RAPGEF6: variants seen among roughly 807,000 people sequenced by gnomAD.
The protein encoded by RAPGEF6 is Rap guanine nucleotide exchange factor 6, also known as PDZ domain containing guanine nucleotide exchange factor (GEF) 2.
In RAPGEF6, 56 loss-of-function variants were observed where a neutral mutation model predicts 171.4. The ratio of observed to expected loss-of-function variants is 0.33; its 90% CI spans 0.26 to 0.41. The LOEUF (loss-of-function observed/expected upper bound fraction) is 0.41. Ranked by LOEUF, RAPGEF6 falls within the 10% of genes least tolerant of loss-of-function variation. The probability of loss-of-function intolerance (pLI) is 1.00; values close to 1 mark genes in which losing one functional copy is unlikely to be tolerated. For missense variants in RAPGEF6, 1,674 were observed against 1,921.4 expected (o/e 0.87, Z 2.41); for synonymous variants, 692 against 650.1 (o/e 1.06, Z -0.98).
intron 16 of RAPGEF6, among the ~76,000 whole-genome samples, chr5:131,473,667 G>A (rs1045260374): frequency 5.3e-5 from 8 of 152,032 alleles, no homozygotes; most frequent in African/African-American, 1.9e-4. Flanking sequence ...CCTAGTACTT[G>A]CTATACATAC....
At chr5:131,606,732 G>A (rs148032721) in intron 1 of RAPGEF6, among the ~76,000 whole-genome samples, 10 of 152,176 alleles carry the variant, frequency 6.6e-5, no homozygotes, top group Non-Finnish European at 1.3e-4. Context: ...AAAAGAATAC[G>A]ATAGAAGTGA....
chr5:131,604,212 CA>C (rs1287070777), intron 2 of RAPGEF6, among the ~76,000 whole-genome samples: 1 of 152,096 alleles, frequency 6.6e-6, no homozygotes, highest in Non-Finnish European at 1.5e-5. Flanking sequence ...ACACAAACTA[CA>C]AAAAGATAAC....
At chr5:131,540,755 T>A (rs1367887068) in intron 6 of RAPGEF6, among the ~76,000 whole-genome samples, 3 of 152,236 alleles carry the variant, frequency 2.0e-5, no homozygotes, top group Non-Finnish European at 4.4e-5. Context: ...TTCTAGAGAA[T>A]AAAGTTAAAT....
Position 131,479,551 on chromosome 5 carries a change from A to G in RAPGEF6, c.2043T>C (p.Asp681=), listed in dbSNP as rs778088184. The change falls in exon 16 of 28, where the codon GAT becomes GAC. Residue 681 remains aspartate (D), a synonymous_variant. Coordinates refer to ENST00000509018, the MANE Select transcript of RAPGEF6 (RefSeq NM_016340.6). ...GGRNKIRKIL[D]KTRFSILPPK... is the part of the protein sequence containing the mutation. ...GAGGCAAGATACTAAATCGTGTTTT[A>G]TCCAAAATCTTCCTGATTTTGTTTC... 1.2e-6 allele frequency: 2 copies of G among 1,614,034 alleles called. No homozygotes were observed. The highest frequency in any genetic ancestry group is 3.3e-5 in the Admixed American group (2 of 60,014).
chr5:131,581,069 C>G (rs754086594), intron 4 of RAPGEF6, among the ~76,000 whole-genome samples: 5 of 152,188 alleles, frequency 3.3e-5, no homozygotes, highest in Non-Finnish European at 5.9e-5. Flanking sequence ...CGCAGCCTCT[C>G]CAATGACTTC....
intron 3 of RAPGEF6, among the ~76,000 whole-genome samples, chr5:131,598,022 TCAA>T (rs1431722828): frequency 6.6e-6 from 1 of 151,866 alleles, no homozygotes; most frequent in African/African-American, 2.4e-5. Flanking sequence ...AAAAAAAGTA[TCAA>T]CATTGCTGGA....
chr5:131,510,472 C>T lies in RAPGEF6; in HGVS notation c.647G>A (p.Gly216Glu), dbSNP rs1207080287. ...DIYQATESEV[G>E]DVDLTRLPEG... is the part of the protein sequence containing the mutation. ...TGGAAGACGTGTCAAATCTACATCT[C>T]CTACCTCACTCTCCGTAGCCTATGA... The change falls in exon 8 of 28, where the codon GGA becomes GAA. Residue 216 changes from glycine (G) to glutamate (E), a missense_variant. Physicochemically the swap from Gly to Glu is moderately conservative, Grantham distance 98. Around this residue, in one of 3 missense-constraint regions of RAPGEF6, gnomAD observed 1,116 missense variants for 1,321.5 expected, o/e 0.84. Coordinates refer to ENST00000509018, the MANE Select transcript of RAPGEF6 (RefSeq NM_016340.6). 6.8e-6 allele frequency: 11 copies of T among 1,613,836 alleles called. No homozygotes were observed. The highest frequency in any genetic ancestry group is 9.3e-6 in the Non-Finnish European group (11 of 1,179,924).
intron 4 of RAPGEF6, among the ~76,000 whole-genome samples, chr5:131,572,252 AC>A (rs768049039): frequency 1.3e-5 from 2 of 151,982 alleles, no homozygotes; most frequent in Non-Finnish European, 2.9e-5. Context: ...TCCACCTATG[AC>A]CCTGGGTCAT....
Position 131,428,917 on chromosome 5 carries a change from C to G in RAPGEF6, c.4765G>C (p.Asp1589His). 6.2e-7 allele frequency: 1 copy of G among 1,613,284 alleles called. No individual in the cohort carries two copies. Among genetic ancestry groups the G allele is most frequent in the Non-Finnish European group, 8.5e-7 (1 of 1,179,216 alleles). Residue 1589 changes from aspartate to histidine, a missense_variant, in exon 27 of 28, where the codon GAT (aspartate) becomes CAT (histidine). By Grantham distance (81) the Asp-to-His change is moderately conservative (BLOSUM62 -1). Transcript: ENST00000509018. The part of the protein sequence containing the change: ...HPKLGDVTDA[D>H]SEADENEQVS... Reference sequence around the variant, plus strand: ...GTCAACATACCATCTGCTTCGCTATCTGCATCAGTCACATCTCCTAGTTTA... The same window carrying G: ...GTCAACATACCATCTGCTTCGCTATGTGCATCAGTCACATCTCCTAGTTTA...
At position 131,461,851 on chromosome 5, in the gene RAPGEF6, A is replaced by G. The variant is rs1168230750; in HGVS notation, c.2718T>C (p.Ile906=). Residue 906 remains isoleucine, a synonymous_variant, in exon 19 of 28, where the codon ATT becomes ATC. Coordinates refer to ENST00000509018, the MANE Select transcript of RAPGEF6 (RefSeq NM_016340.6). Reference sequence around the variant, plus strand: ...CAACCCAGAATGTCTCTTGGTTTACAATGTCCTCAAACCTCTTCAAATGAG... The same window carrying G: ...CAACCCAGAATGTCTCTTGGTTTACGATGTCCTCAAACCTCTTCAAATGAG... ...GNTHLKRFED[I]VNQETFWVAS... is the part of the protein sequence containing the mutation. 3 of 1,613,990 alleles carry G rather than the reference A, an allele frequency of 1.9e-6. No individual in the cohort carries two copies. The highest frequency in any genetic ancestry group is 2.2e-5 in the East Asian group (1 of 44,892).
chr5:131,511,062 T>C (rs1757684723), intron 7 of RAPGEF6, among the ~76,000 whole-genome samples: 1 of 152,226 alleles, frequency 6.6e-6, no homozygotes, highest in African/African-American at 2.4e-5. Flanking sequence ...AATACTTTAC[T>C]GTAGGATCTA....
chr5:131,517,103 C>A (rs972685268), intron 7 of RAPGEF6, among the ~76,000 whole-genome samples: 1 of 152,144 alleles, frequency 6.6e-6, no homozygotes, highest in Non-Finnish European at 1.5e-5. Context: ...GAACACCAGA[C>A]ACTGGGGTCT....
chr5:131,582,180 A>T (rs1763007993), intron 4 of RAPGEF6, among the ~76,000 whole-genome samples: 1 of 152,226 alleles, frequency 6.6e-6, no homozygotes, highest in Non-Finnish European at 1.5e-5. Context: ...TGCAGGTAAC[A>T]CATACCACCT....
intron 1 of RAPGEF6, among the ~76,000 whole-genome samples, chr5:131,627,771 G>GC (rs1300667325): frequency 6.6e-6 from 1 of 152,050 alleles, no homozygotes; most frequent in Non-Finnish European, 1.5e-5. Flanking sequence ...CCTGCATCAA[G>GC]CAAGTCCAAC....
intron 15 of RAPGEF6, among the ~76,000 whole-genome samples, chr5:131,480,926 T>C (rs1185764278): frequency 6.6e-6 from 1 of 151,332 alleles, no homozygotes; most frequent in Non-Finnish European, 1.5e-5. Flanking sequence ...TCTTAGATAC[T>C]GCTTTTTTTT....
At chr5:131,439,524 T>C (rs752183231) in intron 24 of RAPGEF6, 57 bp downstream of exon 24, 237 of 1,514,560 alleles carry the variant, frequency 1.6e-4, no homozygotes, top group East Asian at 4.8e-4. Context: ...AAGCAAAATA[T>C]GTGCTATAAA....
At chr5:131,504,600 C>G in intron 11 of RAPGEF6, 26 bp downstream of exon 11, 1 of 1,541,692 alleles carries the variant, frequency 6.5e-7, no homozygotes, top group Non-Finnish European at 8.7e-7. Context: ...AAATCAGTGA[C>G]TAGAAAAATA....
At chr5:131,434,291 A>G (rs1225756455) in intron 24 of RAPGEF6, among the ~76,000 whole-genome samples, 1 of 152,224 alleles carries the variant, frequency 6.6e-6, no homozygotes, top group Non-Finnish European at 1.5e-5. Context: ...TTGCCAGGCT[A>G]TAGTGCAATG....
At chr5:131,447,215 C>G (rs1210128882) in intron 21 of RAPGEF6, 2 of 153,684 alleles carry the variant, frequency 1.3e-5, no homozygotes, top group African/African-American at 4.8e-5. Context: ...TACTAGTAAC[C>G]ATTATTTTGG....
Sources: allele counts gnomAD v4.1 joint callset (sites outside exome capture counted in the v4.1 genomes callset), GRCh38; gene constraint gnomAD v4.1.1; regional missense constraint gnomAD v4.1.1; transcripts MANE v1.5; gene names NCBI Gene and HGNC (gene_info 2026-07-23, HGNC 2026-07-21).